The following KIF25 variants were observed in gnomAD, a reference collection of about 807,000 sequenced individuals.
The protein encoded by KIF25 is kinesin family member 25.
A neutral mutation model predicts 32.9 loss-of-function variants in KIF25; 19 were observed. That is an observed-to-expected ratio of 0.58 (90% CI 0.40 to 0.85). KIF25 has a LOEUF of 0.85. KIF25 is among the 40% of genes least tolerant of loss of function. KIF25 has a pLI of 0.00. For missense variants in KIF25, 485 were observed against 507.0 expected (o/e 0.96, Z 0.42); for synonymous variants, 225 against 213.7 (o/e 1.05, Z -0.46).
chr6:168,029,251 T>A (rs995180023), intron 5 of KIF25, among the ~76,000 whole-genome samples: 1 of 152,226 alleles, frequency 6.6e-6, no homozygotes, highest in African/African-American at 2.4e-5. Context: ...ATCTAGTTTT[T>A]TCAGAAATAG....
chr6:168,024,705 C>T (rs1798835755), intron 5 of KIF25, among the ~76,000 whole-genome samples: 1 of 152,048 alleles, frequency 6.6e-6, no homozygotes, highest in African/African-American at 2.4e-5. Flanking sequence ...CCTGTAATCT[C>T]AGCACCTTGG....
chr6:168,018,148 A>G (rs1235151396), intron 5 of KIF25, 108 bp downstream of exon 5: 1 of 152,356 alleles, frequency 6.6e-6, no homozygotes, highest in African/African-American at 2.4e-5. Context: ...TCATTTGACT[A>G]ATTGTGATTA....
intron 12 of KIF25, among the ~76,000 whole-genome samples, chr6:168,043,443 A>T (rs1799162132): frequency 6.6e-6 from 1 of 152,052 alleles, no homozygotes; most frequent in Non-Finnish European, 1.5e-5. Flanking sequence ...CCACCCTGGG[A>T]GGTGGTGGAG....
intron 8 of KIF25, 141 bp downstream of exon 8, chr6:168,034,172 C>G (rs1004656467): frequency 2.8e-5 from 22 of 779,250 alleles, no homozygotes; most frequent in Admixed American, 5.5e-5. Context: ...ACATTCAACA[C>G]TATGAAGTGC....
chr6:168,039,309 A>G (rs373861093), intron 9 of KIF25, among the ~76,000 whole-genome samples: 11 of 152,368 alleles, frequency 7.2e-5, no homozygotes, highest in African/African-American at 2.6e-4. Context: ...ATTTGTAAAT[A>G]TCAGTATTTC....
chr6:168,044,036 G>C (rs769497747), intron 12 of KIF25, among the ~76,000 whole-genome samples: 3 of 152,206 alleles, frequency 2.0e-5, no homozygotes, highest in African/African-American at 7.2e-5. Flanking sequence ...GCGTCCCTCA[G>C]GGTCATGTGC....
chr6:168,042,531 A>T lies in KIF25; in HGVS notation c.830-30A>T, dbSNP rs561838179. 1.8e-5 allele frequency: 28 copies of T among 1,594,378 alleles called. No homozygotes were observed. The East Asian group carries it at 4.5e-4, about 26-fold the overall frequency. ...TTTCCTGCCTCCTTTCTTGGTGCAAACGGTGATGGTGCGTGGCGGTCCTGT... is the reference window on the plus strand; with the variant it reads ...TTTCCTGCCTCCTTTCTTGGTGCAATCGGTGATGGTGCGTGGCGGTCCTGT... On this transcript the variant is annotated intron_variant, in intron 11 of 12. Coordinates refer to ENST00000643607, the MANE Select transcript of KIF25 (RefSeq NM_030615.4).
chr6:168,035,762 T>G (rs1401472267), intron 8 of KIF25: 1 of 456,236 alleles, frequency 2.2e-6, no homozygotes, highest in Admixed American at 2.3e-5. Context: ...TTTGCGGCAC[T>G]GGAATCCCTC....
At chr6:168,000,236 C>T (rs1798479892) in intron 2 of KIF25, among the ~76,000 whole-genome samples, 1 of 133,608 alleles carries the variant, frequency 7.5e-6, no homozygotes, top group Non-Finnish European at 1.6e-5. Flanking sequence ...CCCCTCCCCA[C>T]TCCCATCCCG....
intron 4 of KIF25, among the ~76,000 whole-genome samples, chr6:168,016,138 A>G (rs901793344): frequency 1.3e-5 from 2 of 152,304 alleles, no homozygotes; most frequent in East Asian, 3.9e-4. Context: ...CGGTTGGATT[A>G]GGGACTGGGA....
chr6:168,019,906 G>T (rs1258463837), intron 5 of KIF25, among the ~76,000 whole-genome samples: 1 of 152,080 alleles, frequency 6.6e-6, no homozygotes. Flanking sequence ...AGGCCAAGGC[G>T]GGTGGCTCAC....
chr6:168,038,412 G>A (rs941125398), intron 8 of KIF25, 141 bp from the exon 9 acceptor site: 79 of 729,902 alleles, frequency 1.1e-4, no homozygotes, highest in Non-Finnish European at 1.3e-4. Flanking sequence ...AGTGATCTTC[G>A]GGTATGTAAC....
intron 4 of KIF25, among the ~76,000 whole-genome samples, chr6:168,005,930 C>G (rs115918325): frequency 6.6e-6 from 1 of 152,192 alleles, no homozygotes; most frequent in African/African-American, 2.4e-5. Context: ...AGTTGACGCT[C>G]GGTATTAACC....
At chr6:168,004,517 C>T (rs1798552028) in intron 4 of KIF25, among the ~76,000 whole-genome samples, 1 of 152,194 alleles carries the variant, frequency 6.6e-6, no homozygotes, top group African/African-American at 2.4e-5. Flanking sequence ...CTGTAGGAAA[C>T]ATACTCAGGG....
chr6:168,031,175 T>C (rs1405508862), intron 7 of KIF25, among the ~76,000 whole-genome samples: 92 of 152,182 alleles, frequency 6.0e-4, no homozygotes, highest in Non-Finnish European at 1.3e-4. Context: ...CATTTCAGAA[T>C]TTAAAAAAAA....
intron 5 of KIF25, among the ~76,000 whole-genome samples, chr6:168,025,629 G>A (rs781476288): frequency 3.9e-5 from 6 of 152,244 alleles, no homozygotes; most frequent in South Asian, 4.2e-4. Context: ...AGTAAACAGC[G>A]CCAGCTTAAG....
At position 168,038,750 on chromosome 6, in the gene KIF25, G is replaced by A. The variant is rs55655123; in HGVS notation, c.494+21G>A. On this transcript the variant is annotated intron_variant, in intron 9 of 12. Transcript: ENST00000643607. ...TCTGAGTGAGTACTGCACCTGCCCC[G>A]TGCTGCTGGCCTCTGAGTGAGAATG... is the stretch of plus-strand genomic sequence containing the variant. The A allele has an allele frequency of 8.0e-4, 1,284 of 1,607,218 alleles. 1 individual carries two copies. The highest frequency in any genetic ancestry group is 1.0e-3 in the South Asian group (91 of 90,720).
chr6:168,033,972 G>A lies in KIF25; in HGVS notation c.258G>A (p.Leu86=), dbSNP rs1267468006. Residue 86 remains leucine (L), a synonymous_variant, in exon 8 of 13, where the codon CTG becomes CTA. Coordinates refer to ENST00000643607, the MANE Select transcript of KIF25 (RefSeq NM_030615.4). ...LGRHSDDGPV[L]PLDPQSDLGI... The stretch of plus-strand genomic sequence containing the variant: ...GCCATTCGGACGACGGCCCTGTTCT[G>A]CCGCTTGACCCACAGAGTGACTTAG... 6 of 1,614,074 alleles carry A rather than the reference G, an allele frequency of 3.7e-6. No homozygotes were observed. The African/African-American group carries it at 4.0e-5, about 11-fold the overall frequency.
chr6:168,026,262 G>T (rs561144906), intron 5 of KIF25, among the ~76,000 whole-genome samples: 1 of 152,158 alleles, frequency 6.6e-6, no homozygotes, highest in Admixed American at 6.5e-5. Flanking sequence ...AGTTCATGCC[G>T]ACACGTGTCT....
Sources: allele counts gnomAD v4.1 joint callset (sites outside exome capture counted in the v4.1 genomes callset), GRCh38; gene constraint gnomAD v4.1.1; transcripts MANE v1.5; gene names NCBI Gene and HGNC (gene_info 2026-07-23, HGNC 2026-07-21).